SFSWAP: variants seen among roughly 807,000 people sequenced by gnomAD.
SFSWAP encodes the protein splicing factor SWAP, also known as splicing factor, suppressor of white-apricot homolog.
Under a neutral mutation model 100.7 loss-of-function variants are expected in SFSWAP, and 17 were observed. The ratio of observed to expected loss-of-function variants is 0.17; its 90% CI spans 0.12 to 0.25. SFSWAP has a LOEUF of 0.25. SFSWAP is among the 10% of genes least tolerant of loss of function. The pLI is 1.00. For missense variants in SFSWAP, 1,005 were observed against 1,262.6 expected, an observed-to-expected ratio of 0.80 and a Z score of 3.09; for synonymous variants, 504 against 510.1, an observed-to-expected ratio of 0.99 and a Z score of 0.16.
chr12:131,760,613 A>G (rs1882581161), intron 11 of SFSWAP, among the ~76,000 whole-genome samples: 1 of 152,230 alleles, frequency 6.6e-6, no homozygotes, highest in Non-Finnish European at 1.5e-5. Flanking sequence ...GTGTTTTACC[A>G]AGATGTCTAT....
Position 131,714,015 on chromosome 12 carries a change from C to G in SFSWAP, c.219-56C>G. The G allele has an allele frequency of 7.4e-7, 1 of 1,345,740 alleles. No homozygotes were observed. Among genetic ancestry groups the G allele is most frequent in the Non-Finnish European group, 1.1e-6 (1 of 949,620 alleles). The allele number at this position is 1,345,740 out of a possible 1,614,324, so 83.4% of individuals were successfully genotyped here. ...ATATACATATATAAAACATCACACA[C>G]GCACACCAGTCTAGACGTTAATTTC... On this transcript the variant is annotated intron_variant, in intron 1 of 17. Transcript: ENST00000261674. This position sits in a 1 kb window ranked among gnomAD's most constrained non-coding sequence, Gnocchi z 6.0.
chr12:131,716,981 A>G (rs1033254546), intron 3 of SFSWAP, among the ~76,000 whole-genome samples: 2 of 152,192 alleles, frequency 1.3e-5, no homozygotes, highest in Non-Finnish European at 2.9e-5. Flanking sequence ...TTCTTTCTGT[A>G]ATCGTGTTCT....
rs145859008 is a variant in SFSWAP at position 131,766,263 on chromosome 12, G to A, written c.2097G>A (p.Pro699=). ...LFLQTLKNPL[P]EAEAGKIEES... is the part of the protein sequence containing the mutation. The stretch of plus-strand genomic sequence containing the variant: ...TACAGACCCTCAAAAATCCTCTGCC[G>A]GAAGCAGAAGCTGGGAAAATTGAGG... The change falls in exon 13 of 18, where the codon CCG becomes CCA. Residue 699 remains proline (P), a synonymous_variant. Transcript: ENST00000261674. 2.5e-4 allele frequency: 406 copies of A among 1,614,152 alleles called. 5 individuals carry two copies. In the South Asian group the frequency reaches 3.7e-3, roughly 15 times the overall value.
chr12:131,724,078 G>T (rs553673845), intron 4 of SFSWAP, among the ~76,000 whole-genome samples: 5 of 152,272 alleles, frequency 3.3e-5, no homozygotes, highest in African/African-American at 1.2e-4. Flanking sequence ...CTTATTCAGG[G>T]TTGGTAGCCA....
chr12:131,790,001 A>G (rs185795133), intron 15 of SFSWAP, among the ~76,000 whole-genome samples: 96 of 152,262 alleles, frequency 6.3e-4, no homozygotes, highest in African/African-American at 2.2e-3. Flanking sequence ...CTGTCTTCTC[A>G]TTTGTCTCAG....
At chr12:131,783,792 T>TTATTTATATATATATATATATA (rs1555251680) in intron 14 of SFSWAP, 1 of 86,684 alleles carries the variant, frequency 1.2e-5, no homozygotes, top group East Asian at 5.6e-4. Context: ...AAAAAACATT[T>TTATTTATATATATATATATATA]TATATATATA....
At chr12:131,732,380 C>T (rs185441944) in intron 7 of SFSWAP, among the ~76,000 whole-genome samples, 4 of 152,284 alleles carry the variant, frequency 2.6e-5, no homozygotes, top group African/African-American at 4.8e-5. Context: ...GTTGTGAGGA[C>T]GTCGCTGAGT....
At chr12:131,786,647 A>G in intron 15 of SFSWAP, 59 bp downstream of exon 15, 1 of 1,531,080 alleles carries the variant, frequency 6.5e-7, no homozygotes, top group South Asian at 1.2e-5. Flanking sequence ...CTGGGTGGAA[A>G]GGGCGTCTGA....
chr12:131,771,949 C>G (rs12425696), intron 13 of SFSWAP, among the ~76,000 whole-genome samples: 26,744 of 152,206 alleles, frequency 0.18, 3,084 homozygotes, highest in Non-Finnish European at 0.25. Flanking sequence ...GCCTGAGCCA[C>G]CGCTCCCGGC....
At chr12:131,724,659 A>G (rs1265068381) in intron 4 of SFSWAP, among the ~76,000 whole-genome samples, 6 of 152,262 alleles carry the variant, frequency 3.9e-5, no homozygotes, top group African/African-American at 2.4e-5. Flanking sequence ...AACAAGATCC[A>G]TTTGTGGGCA....
intron 7 of SFSWAP, among the ~76,000 whole-genome samples, chr12:131,748,218 C>CTTTT (rs55709935): frequency 2.8e-5 from 4 of 143,622 alleles, no homozygotes; most frequent in Admixed American, 6.9e-5. Context: ...TATTTTAATT[C>CTTTT]TTTTTTTTTT....
chr12:131,771,435 A>G (rs1303581042), intron 13 of SFSWAP, among the ~76,000 whole-genome samples: 1 of 152,048 alleles, frequency 6.6e-6, no homozygotes, highest in Non-Finnish European at 1.5e-5. Flanking sequence ...CCACGGGGGA[A>G]ATCCTCACCA....
Position 131,786,482 on chromosome 12 carries a change from C to A in SFSWAP, c.2428C>A (p.Arg810=). 3 of 1,586,894 alleles carry A rather than the reference C, an allele frequency of 1.9e-6. No individual in the cohort carries two copies. The highest frequency in any genetic ancestry group is 2.6e-6 in the Non-Finnish European group (3 of 1,167,554). Residue 810 remains arginine, a synonymous_variant, in exon 15 of 18, where the codon CGG becomes AGG. Transcript: ENST00000261674. ...RRSRSRSRSP[R]RRAHSPERRR... ...GTCCAGGTCCCGCTCCCGGTCCCCTCGGAGGAGAGCCCACTCCCCTGAGAG... is the reference window on the plus strand; with the variant it reads ...GTCCAGGTCCCGCTCCCGGTCCCCTAGGAGGAGAGCCCACTCCCCTGAGAG...
At chr12:131,770,337 G>C (rs1281774555) in intron 13 of SFSWAP, among the ~76,000 whole-genome samples, 4 of 152,218 alleles carry the variant, frequency 2.6e-5, no homozygotes, top group Non-Finnish European at 5.9e-5. Flanking sequence ...TCGGCACCAG[G>C]AGGCTCATGG....
chr12:131,797,437 C>A (rs1238976076), intron 16 of SFSWAP, 77 bp downstream of exon 16: 31 of 1,318,548 alleles, frequency 2.4e-5, no homozygotes, highest in Non-Finnish European at 3.2e-5. Flanking sequence ...CTCCCTGAGT[C>A]CTTGCCTATG....
chr12:131,756,124 G>T (rs1396851485), intron 10 of SFSWAP, among the ~76,000 whole-genome samples: 1 of 152,222 alleles, frequency 6.6e-6, no homozygotes, highest in Non-Finnish European at 1.5e-5. Flanking sequence ...AGCCCACACT[G>T]AAAGAAACTG....
At chr12:131,736,916 C>T (rs773998611) in intron 7 of SFSWAP, among the ~76,000 whole-genome samples, 8 of 151,938 alleles carry the variant, frequency 5.3e-5, no homozygotes, top group Non-Finnish European at 1.2e-4. Context: ...TTTGTGCCAG[C>T]GATGTGGTAC....
At chr12:131,743,056 C>G (rs1287206713) in intron 7 of SFSWAP, among the ~76,000 whole-genome samples, 2 of 152,162 alleles carry the variant, frequency 1.3e-5, no homozygotes, top group East Asian at 1.9e-4. Context: ...AGACCCGCCC[C>G]CATAATTCAG....
intron 14 of SFSWAP, chr12:131,786,008 T>A (rs1884863753): frequency 6.5e-6 from 1 of 154,446 alleles, no homozygotes; most frequent in Admixed American, 6.4e-5. Flanking sequence ...TTGCCTTTTC[T>A]TACCTCATGT....
Sources: gnomAD v4.1 joint callset for allele counts (sites outside exome capture counted in the v4.1 genomes callset) on GRCh38, gnomAD v4.1.1 for gene constraint, Gnocchi (gnomAD v3.1) non-coding constraint, MANE v1.5 for transcripts, NCBI Gene and HGNC (gene_info 2026-07-23, HGNC 2026-07-21) for gene names.